MAPK8: variants seen among roughly 807,000 people sequenced by gnomAD.
MAPK8 encodes the protein JUN N-terminal kinase.
In MAPK8, 13 loss-of-function variants were observed where a neutral mutation model predicts 52.9. That is an observed-to-expected ratio of 0.25 (90% CI 0.16 to 0.39). The LOEUF (loss-of-function observed/expected upper bound fraction) is 0.39, where lower values mean the gene tolerates loss of function less well. MAPK8 is among the 10% of genes least tolerant of loss of function. The pLI is 1.00. For synonymous variants in MAPK8, 191 were observed against 169.8 expected, an observed-to-expected ratio of 1.12 and a Z score of -0.97; for missense variants, 300 against 519.2, an observed-to-expected ratio of 0.58 and a Z score of 4.10.
chr10:48,384,831 A>G (rs1237434659), intron 1 of MAPK8, among the ~76,000 whole-genome samples: 15 of 152,222 alleles, frequency 9.9e-5, no homozygotes, highest in Admixed American at 9.8e-4. Flanking sequence ...TCCTGCTCAC[A>G]GTGCCAGAAA....
chr10:48,419,875 A>G (rs1181334689), intron 5 of MAPK8, among the ~76,000 whole-genome samples: 3 of 152,172 alleles, frequency 2.0e-5, no homozygotes, highest in African/African-American at 7.2e-5. Context: ...TGTCTTTTCA[A>G]ATCCCTTTTA....
In MAPK8 at chr10:48,425,976, C is replaced by T. The variant is rs748759491; in HGVS notation, c.777C>T (p.Tyr259=). The T allele has an allele frequency of 1.7e-5, 27 of 1,612,824 alleles. No individual in the cohort carries two copies. Among genetic ancestry groups the T allele is most frequent in the Admixed American group, 5.0e-5 (3 of 59,994 alleles). ...AACTGCAACCAACAGTAAGGACTTA[C>T]GTTGAAAACAGACCTAAATATGCTG... ...MKKLQPTVRT[Y]VENRPKYAGY... Residue 259 remains tyrosine (Y), a synonymous_variant, in exon 8 of 12, where the codon TAC becomes TAT. Coordinates refer to ENST00000374189, the MANE Select transcript of MAPK8 (RefSeq NM_001323329.2).
At chr10:48,407,634 T>C (rs1463381071) in intron 3 of MAPK8, among the ~76,000 whole-genome samples, 1 of 152,228 alleles carries the variant, frequency 6.6e-6, no homozygotes, top group Non-Finnish European at 1.5e-5. Context: ...TGTCATGCAA[T>C]TCACCCATTT....
intron 1 of MAPK8, among the ~76,000 whole-genome samples, chr10:48,390,642 C>A (rs1413086053): frequency 1.3e-5 from 2 of 152,184 alleles, no homozygotes; most frequent in Non-Finnish European, 2.9e-5. Flanking sequence ...GACAGCCTAG[C>A]CATTTTATGG....
At chr10:48,346,249 CATT>C (rs1200573423) in intron 1 of MAPK8, among the ~76,000 whole-genome samples, 1 of 152,164 alleles carries the variant, frequency 6.6e-6, no homozygotes, top group African/African-American at 2.4e-5. Context: ...ATATGAATAT[CATT>C]AATCATTAGT....
chr10:48,314,845 A>G (rs1300987842), intron 1 of MAPK8, among the ~76,000 whole-genome samples: 1 of 152,110 alleles, frequency 6.6e-6, no homozygotes. Flanking sequence ...TTTTTCCCCA[A>G]TTTGCTGTTT....
At chr10:48,416,222 C>T (rs1042201845) in intron 5 of MAPK8, among the ~76,000 whole-genome samples, 4 of 152,158 alleles carry the variant, frequency 2.6e-5, no homozygotes, top group African/African-American at 7.2e-5. Flanking sequence ...CCAAAGCTGA[C>T]GAGGTCCCAC....
At position 48,424,000 on chromosome 10, in the gene MAPK8, G is replaced by C. The variant is rs929616075; in HGVS notation, c.617-88G>C. Reference sequence around the variant, plus strand: ...TTTTTTCTTTTCGTGACGTTTTGCAGTTTTTATATAATGCAGTCATATTAT... The same window carrying C: ...TTTTTTCTTTTCGTGACGTTTTGCACTTTTTATATAATGCAGTCATATTAT... On this transcript the variant is annotated intron_variant, in intron 6 of 11. Transcript: ENST00000374189. 1.0e-5 allele frequency: 9 copies of C among 881,562 alleles called. No homozygotes were observed. In the African/African-American group the frequency reaches 1.5e-4, roughly 15 times the overall value. The allele number at this position is 881,562 out of a possible 1,614,324, so 54.6% of individuals were successfully genotyped here. A position where few individuals can be genotyped will look rare whatever the true frequency, so the allele number is the denominator to read the frequency against.
At chr10:48,312,951 T>G (rs1212588067) in intron 1 of MAPK8, among the ~76,000 whole-genome samples, 1 of 152,252 alleles carries the variant, frequency 6.6e-6, no homozygotes. Context: ...CTGTGAATAC[T>G]TCCAAAGATA....
At chr10:48,392,688 T>A (rs984650437) in intron 1 of MAPK8, among the ~76,000 whole-genome samples, 1 of 152,056 alleles carries the variant, frequency 6.6e-6, no homozygotes, top group Non-Finnish European at 1.5e-5. Context: ...ATTGGATCCT[T>A]TTTGTTAGCA....
chr10:48,430,041 TACTTAAGAACCTTAAGTA>T (rs1410977371), intron 10 of MAPK8: 2 of 152,236 alleles, frequency 1.3e-5, no homozygotes, highest in African/African-American at 4.8e-5. Flanking sequence ...TCTGAATGTC[TACTTAAGAACCTTAAGTA>T]GACATTAAGA....
At chr10:48,420,801 C>T (rs2043309565) in intron 6 of MAPK8, among the ~76,000 whole-genome samples, 1 of 152,162 alleles carries the variant, frequency 6.6e-6, no homozygotes, top group Admixed American at 6.5e-5. Context: ...AAGGTGACCT[C>T]TTGAAGGAAG....
At chr10:48,339,592 GCTT>G (rs1377115857) in intron 1 of MAPK8, among the ~76,000 whole-genome samples, 1 of 152,106 alleles carries the variant, frequency 6.6e-6, no homozygotes, top group East Asian at 1.9e-4. Context: ...TCATTACAGA[GCTT>G]CTGCACAGCA....
Position 48,319,102 on chromosome 10 carries a change from AGACTGTTACTCAT to A in MAPK8, c.-50+12285_-50+12297del, listed in dbSNP as rs1178846606. Among the ~76,000 whole-genome samples, 11 of 152,322 alleles carry A rather than the reference AGACTGTTACTCAT, an allele frequency of 7.2e-5. No individual in the cohort carries two copies. In the South Asian group the frequency reaches 2.3e-3, roughly 32 times the overall value. The stretch of plus-strand genomic sequence containing the variant: ...TGTAGGACTCTGTGGCAGTGCTTTC[AGACTGTTACTCAT>A]GACCCATTAGTAGGTTATAGAATTT... On this transcript the variant is annotated intron_variant, in intron 1 of 11. Transcript: ENST00000374189.
At chr10:48,425,467 G>A (rs1374098662) in intron 7 of MAPK8, 6 of 408,232 alleles carry the variant, frequency 1.5e-5, no homozygotes, top group Non-Finnish European at 2.6e-5. Context: ...AAAACAGGAT[G>A]TGTTCTAGAA....
rs188662367 is a variant in MAPK8, at chr10:48,337,421, A to G, written c.-50+30600A>G. On this transcript the variant is annotated intron_variant, in intron 1 of 11. Coordinates refer to ENST00000374189, the MANE Select transcript of MAPK8 (RefSeq NM_001323329.2). ...TTTTTTTTGGAACAAATGAAAATAG[A>G]AACAATATATGAAAACCTCTAGGAT... Among the ~76,000 whole-genome samples the G allele has an allele frequency of 5.7e-3, 868 of 152,284 alleles. 2 individuals are homozygous for G. The highest frequency in any genetic ancestry group is 0.01 in the Middle Eastern group (3 of 294).
chr10:48,379,100 T>C (rs2040839326), intron 1 of MAPK8, among the ~76,000 whole-genome samples: 1 of 152,238 alleles, frequency 6.6e-6, no homozygotes, highest in South Asian at 2.1e-4. Flanking sequence ...GATTAGACTT[T>C]TGGAAACTTC....
At chr10:48,355,592 TACTC>T in intron 1 of MAPK8, among the ~76,000 whole-genome samples, 1 of 151,926 alleles carries the variant, frequency 6.6e-6, no homozygotes, top group South Asian at 2.1e-4. Context: ...ACTGAATAAT[TACTC>T]AACAAGCATT....
intron 1 of MAPK8, among the ~76,000 whole-genome samples, chr10:48,352,278 A>G (rs904035549): frequency 5.3e-5 from 8 of 152,102 alleles, no homozygotes; most frequent in Non-Finnish European, 1.2e-4. Context: ...TTATGAAATC[A>G]GTATTATTTT....
Sources: gnomAD v4.1 joint callset for allele counts (sites outside exome capture counted in the v4.1 genomes callset) on GRCh38, gnomAD v4.1.1 for gene constraint, MANE v1.5 for transcripts, NCBI Gene and HGNC (gene_info 2026-07-23, HGNC 2026-07-21) for gene names.